CCDC34: variants seen among roughly 807,000 people sequenced by gnomAD.
CCDC34 encodes the protein coiled-coil domain containing 34.
Under a neutral mutation model 44.1 loss-of-function variants are expected in CCDC34, and 40 were observed. That is an observed-to-expected ratio of 0.91 (90% confidence interval 0.70 to 1.18). The LOEUF (loss-of-function observed/expected upper bound fraction) is 1.18, where lower values mean the gene tolerates loss of function less well. Among genes scored for constraint, CCDC34 ranks in the 50% most tolerant of loss-of-function variants. CCDC34 has a pLI of 0.00. For missense variants in CCDC34, 466 were observed against 452.3 expected (o/e 1.03, Z -0.28); for synonymous variants, 159 against 158.2 (o/e 1.01, Z -0.04).
At position 27,359,364 on chromosome 11, in the gene CCDC34, AC is replaced by A. The variant is rs551949556; in HGVS notation, c.360-1824del. 1.8e-3 allele frequency among the ~76,000 whole-genome samples: 269 copies of A among 152,218 alleles called. 1 individual carries two copies. The highest frequency in any genetic ancestry group is 6.3e-3 in the African/African-American group (262 of 41,528). ...CCACGCCCCATGCCCTGTAACTTTC[AC>A]CTAAATCTGAAATTCCTTTCTTCCA... On this transcript the variant is annotated intron_variant, in intron 1 of 5. Coordinates refer to ENST00000328697, the MANE Select transcript of CCDC34 (RefSeq NM_030771.2).
rs2133342175 is a variant in CCDC34, at chr11:27,347,225, A to T, written c.606+3107T>A. Among the ~76,000 whole-genome samples the T allele has an allele frequency of 2.0e-5, 3 of 152,316 alleles. No individual in the cohort carries two copies. In the Middle Eastern group the frequency reaches 0.01, roughly 518 times the overall value. On this transcript the variant is annotated intron_variant, in intron 3 of 5. Coordinates refer to ENST00000328697, the MANE Select transcript of CCDC34 (RefSeq NM_030771.2). ...ATTGGCCATACCAAATCTGCCAAAG[A>T]TGTGGAGCAACTGGAACTTTCTTAT...
Position 27,363,201 on chromosome 11 carries a change from C to G in CCDC34, c.-7G>C. On this transcript the variant is annotated 5_prime_UTR_variant, in exon 1 of 6. Coordinates refer to ENST00000328697, the MANE Select transcript of CCDC34 (RefSeq NM_030771.2). ...AGCGCCCCGCCGCCCACATCTGGCC[C>G]GCCAAGTTCAAACTGGCGGAGCCGC... 1.4e-6 allele frequency: 2 copies of G among 1,463,618 alleles called. No individual in the cohort carries two copies. Among genetic ancestry groups the G allele is most frequent in the Non-Finnish European group, 1.8e-6 (2 of 1,115,248 alleles). 90.7% of individuals were successfully genotyped at this position (1,463,618 alleles called of 1,614,324 possible). A position where few individuals can be genotyped will look rare whatever the true frequency, so the allele number is the denominator to read the frequency against.
chr11:27,349,482 A>C, intron 3 of CCDC34: 10 of 872,566 alleles, frequency 1.1e-5, no homozygotes, highest in Non-Finnish European at 1.2e-5. Context: ...TTCAACAATA[A>C]AGATAAAAAG....
chr11:27,343,733 T>C (rs563944257), intron 3 of CCDC34, among the ~76,000 whole-genome samples: 1 of 152,342 alleles, frequency 6.6e-6, no homozygotes, highest in South Asian at 2.1e-4. Flanking sequence ...GTTACCATTC[T>C]ACATACTTTA....
chr11:27,350,396 C>A lies in CCDC34; in HGVS notation c.542G>T (p.Arg181Leu), dbSNP rs368492832. The change falls in exon 3 of 6, where the codon CGT becomes CTT. Residue 181 changes from arginine to leucine, a missense_variant. Coordinates refer to ENST00000328697, the MANE Select transcript of CCDC34 (RefSeq NM_030771.2). The stretch of plus-strand genomic sequence containing the variant: ...TTCAGCAATTATCTTTCTTTTTTCA[C>A]GTTCTTCCATTTCTTTTCTTTTTTC... ...QLEKRKEMEE[R>L]EKRKIIAEEK... 5.0e-6 allele frequency: 8 copies of A among 1,611,912 alleles called. No individual in the cohort carries two copies. The highest frequency in any genetic ancestry group is 6.8e-6 in the Non-Finnish European group (8 of 1,178,930).
chr11:27,354,527 T>C lies in CCDC34; in HGVS notation c.498+2876A>G, dbSNP rs4923443. Among the ~76,000 whole-genome samples the C allele has an allele frequency of 2.8e-3, 422 of 152,174 alleles. 7 individuals carry two copies. The highest frequency in any genetic ancestry group is 0.021 in the Admixed American group (318 of 15,294). On this transcript the variant is annotated intron_variant, in intron 2 of 5. Transcript: ENST00000328697. ...ATTGAGACACAGAAAGGTTAAGGAT[T>C]TGCCCAAAGTCCAAATTTTGAATGC...
rs1251957715 is a variant in CCDC34 at position 27,362,959 on chromosome 11, T to C, written c.236A>G (p.Glu79Gly). The change falls in exon 1 of 6, where the codon GAG (glutamate) becomes GGG (glycine). Residue 79 changes from glutamate to glycine, a missense_variant. Transcript: ENST00000328697. ...CTCATCCTCCCCGTCACCGTCGTCC[T>C]CGTCAAACTGGAAGCTCTGGTGGCC... Reference protein sequence around the residue: ...PLGHQSFQFDEDDGDGEDEED... With the variant: ...PLGHQSFQFDGDDGDGEDEED... 1 of 1,614,176 alleles carries C rather than the reference T, an allele frequency of 6.2e-7. No homozygotes were observed. Among genetic ancestry groups the C allele is most frequent in the Admixed American group, 1.7e-5 (1 of 60,028 alleles).
chr11:27,362,707 C>T (rs574412334), intron 1 of CCDC34, 129 bp downstream of exon 1: 2 of 1,054,006 alleles, frequency 1.9e-6, no homozygotes, highest in Non-Finnish European at 2.7e-6. Flanking sequence ...AAAAAAACCA[C>T]GGCACCTCAG....
At chr11:27,340,859 T>A (rs1284535586) in intron 4 of CCDC34, 22 bp from the exon 5 acceptor site, 5 of 1,606,976 alleles carry the variant, frequency 3.1e-6, no homozygotes, top group African/African-American at 1.3e-5. Context: ...AAGACCAAAA[T>A]ATTTCCAGGG....
At chr11:27,352,382 C>CA (rs796750735) in intron 2 of CCDC34, among the ~76,000 whole-genome samples, 3,748 of 111,216 alleles carry the variant, frequency 0.034, 146 homozygotes, top group African/African-American at 0.1. Flanking sequence ...GACTCCATCT[C>CA]AAAAAAAAAA....
intron 4 of CCDC34, 95 bp downstream of exon 4, chr11:27,341,297 G>T: frequency 1.4e-6 from 1 of 729,090 alleles, no homozygotes. Context: ...TGCTAAGATA[G>T]TGCCAATTTT....
chr11:27,345,360 G>A (rs887997162), intron 3 of CCDC34, among the ~76,000 whole-genome samples: 3 of 152,032 alleles, frequency 2.0e-5, no homozygotes, highest in Non-Finnish European at 4.4e-5. Context: ...ATGTATACAT[G>A]TGCCATGTTG....
Position 27,338,938 on chromosome 11 carries a change from T to C in CCDC34, c.1005A>G (p.Leu335=). 3 of 1,613,878 alleles carry C rather than the reference T, an allele frequency of 1.9e-6. No homozygotes were observed. The highest frequency in any genetic ancestry group is 2.5e-6 in the Non-Finnish European group (3 of 1,179,842). The change falls in exon 6 of 6, where the codon CTA becomes CTG. Residue 335 remains leucine, a synonymous_variant. Transcript: ENST00000328697. ...HMPPPKEAKD[L]SGRKSKRPVI... is the part of the protein sequence containing the mutation. Reference sequence around the variant, plus strand: ...CAGGTCTTTTACTCTTCCTTCCTGATAGATCCTTAGCTTCTTTGGGAGGTG... The same window carrying C: ...CAGGTCTTTTACTCTTCCTTCCTGACAGATCCTTAGCTTCTTTGGGAGGTG...
At chr11:27,357,622 A>C in intron 1 of CCDC34, 81 bp from the exon 2 acceptor site, 1 of 1,262,696 alleles carries the variant, frequency 7.9e-7, no homozygotes, top group South Asian at 1.8e-5. Flanking sequence ...GTACAGTAAA[A>C]GCAAAACTTA....
chr11:27,346,067 AT>A lies in CCDC34; in HGVS notation c.606+4264del, dbSNP rs569851550. Among the ~76,000 whole-genome samples, 284 of 152,316 alleles carry A rather than the reference AT, an allele frequency of 1.9e-3. 1 individual carries two copies. The highest frequency in any genetic ancestry group is 6.5e-3 in the African/African-American group (269 of 41,560). The stretch of plus-strand genomic sequence containing the variant: ...AAATAGAATACAAAAACTACCAACA[AT>A]TAAAAAAACTGAAATATGGAAATTC... On this transcript the variant is annotated intron_variant, in intron 3 of 5. Coordinates refer to ENST00000328697, the MANE Select transcript of CCDC34 (RefSeq NM_030771.2).
At chr11:27,353,897 T>C (rs1016446226) in intron 2 of CCDC34, among the ~76,000 whole-genome samples, 1 of 152,214 alleles carries the variant, frequency 6.6e-6, no homozygotes, top group Middle Eastern at 3.2e-3. Flanking sequence ...AGTTCTGCCA[T>C]GGACGAAGCC....
At chr11:27,362,783 G>A in intron 1 of CCDC34, 53 bp downstream of exon 1, 4 of 1,567,504 alleles carry the variant, frequency 2.6e-6, no homozygotes, top group Non-Finnish European at 3.5e-6. Flanking sequence ...GTACTTAAGA[G>A]GGTCTAAGGA....
At chr11:27,350,065 C>CA in intron 3 of CCDC34, 1 of 1,288,048 alleles carries the variant, frequency 7.8e-7, no homozygotes, top group Non-Finnish European at 9.9e-7. Flanking sequence ...CATAAGGATC[C>CA]AAAAGGTCAG....
At chr11:27,355,530 T>C (rs1018143805) in intron 2 of CCDC34, among the ~76,000 whole-genome samples, 1 of 152,172 alleles carries the variant, frequency 6.6e-6, no homozygotes, top group African/African-American at 2.4e-5. Context: ...TGAATAGTAA[T>C]GATATAAATA....
Sources: gnomAD v4.1 joint callset for allele counts (sites outside exome capture counted in the v4.1 genomes callset) on GRCh38, gnomAD v4.1.1 for gene constraint, MANE v1.5 for transcripts, NCBI Gene and HGNC (gene_info 2026-07-23, HGNC 2026-07-21) for gene names.